NRG3: variants seen among roughly 807,000 people sequenced by gnomAD.
The protein encoded by NRG3 is neuregulin 3.
Under a neutral mutation model 66.9 loss-of-function variants are expected in NRG3, and 31 were observed. That is an observed-to-expected ratio of 0.46 (90% CI 0.35 to 0.63). The LOEUF (loss-of-function observed/expected upper bound fraction) is 0.63. Ranked by LOEUF, NRG3 falls within the 20% of genes least tolerant of loss-of-function variation. The pLI, the probability that NRG3 is intolerant of heterozygous loss-of-function variation, is 0.00. For synonymous variants in NRG3, 393 were observed against 359.4 expected (o/e 1.09, Z -1.06); for missense variants, 910 against 878.9 (o/e 1.04, Z -0.45).
At chr10:82,646,546 G>T (rs1021969012) in intron 2 of NRG3, among the ~76,000 whole-genome samples, 2 of 152,166 alleles carry the variant, frequency 1.3e-5, no homozygotes, top group Non-Finnish European at 2.9e-5. Context: ...TCCCATTACA[G>T]TAAATTACGA....
chr10:82,500,375 C>G (rs1844053898), intron 2 of NRG3, among the ~76,000 whole-genome samples: 1 of 152,154 alleles, frequency 6.6e-6, no homozygotes, highest in Non-Finnish European at 1.5e-5. Context: ...TCCTCAGTGT[C>G]CCCATTGCAT....
rs538625740 is a variant in NRG3, at chr10:82,187,613, G to A, written c.824-171126G>A. Among the ~76,000 whole-genome samples the A allele has an allele frequency of 2.6e-4, 40 of 151,984 alleles. 1 individual carries two copies. In the East Asian group the frequency reaches 4.2e-3, roughly 16 times the overall value. ...CCAGATACTGTGATTTTTTTTGCGG[G>A]GAAGAGGTTGAGAGAGGCTTCCTGG... On this transcript the variant is annotated intron_variant, in intron 1 of 8. Transcript: ENST00000372141.
At chr10:82,086,408 A>G (rs1038548213) in intron 1 of NRG3, among the ~76,000 whole-genome samples, 7 of 148,836 alleles carry the variant, frequency 4.7e-5, no homozygotes, top group African/African-American at 1.2e-4. Context: ...TTGCAGTTCA[A>G]TTTTTTTTTT....
At chr10:82,636,926 G>A (rs991738723) in intron 2 of NRG3, among the ~76,000 whole-genome samples, 1 of 151,836 alleles carries the variant, frequency 6.6e-6, no homozygotes, top group African/African-American at 2.4e-5. Flanking sequence ...TAGGAAATGG[G>A]GAGATGTAGG....
chr10:82,270,844 G>A (rs1312396838), intron 1 of NRG3, among the ~76,000 whole-genome samples: 1 of 152,082 alleles, frequency 6.6e-6, no homozygotes, highest in African/African-American at 2.4e-5. Flanking sequence ...ACGCCATGGA[G>A]TACATTTTAT....
intron 4 of NRG3, among the ~76,000 whole-genome samples, chr10:82,950,332 G>A (rs941954038): frequency 6.6e-6 from 1 of 152,182 alleles, no homozygotes; most frequent in Non-Finnish European, 1.5e-5. Flanking sequence ...GTCTGAGAGT[G>A]AGAGAGGGAA....
At chr10:82,344,110 T>C (rs1294777548) in intron 1 of NRG3, among the ~76,000 whole-genome samples, 2 of 151,390 alleles carry the variant, frequency 1.3e-5, no homozygotes, top group African/African-American at 2.4e-5. Flanking sequence ...ATGTGCACAT[T>C]GTGCAGGTTA....
chr10:82,626,782 G>A (rs2049454270), intron 2 of NRG3, among the ~76,000 whole-genome samples: 1 of 151,990 alleles, frequency 6.6e-6, no homozygotes. Flanking sequence ...ACAGTCAAGA[G>A]CAGAGGCCCG....
chr10:82,366,740 T>C (rs1294947273), intron 2 of NRG3, among the ~76,000 whole-genome samples: 1 of 152,136 alleles, frequency 6.6e-6, no homozygotes, highest in Non-Finnish European at 1.5e-5. Context: ...ACACTGAAAA[T>C]TATAGATTTT....
intron 1 of NRG3, among the ~76,000 whole-genome samples, chr10:82,118,689 G>A (rs1192540129): frequency 6.6e-6 from 1 of 151,948 alleles, no homozygotes; most frequent in African/African-American, 2.4e-5. Context: ...TTTTTGAGGG[G>A]GGATAATGTG....
intron 1 of NRG3, among the ~76,000 whole-genome samples, chr10:82,187,942 A>G (rs2073904447): frequency 7.5e-6 from 1 of 133,824 alleles, no homozygotes; most frequent in Admixed American, 8.1e-5. Context: ...TACCAATGAC[A>G]GTCTTCACAG....
At chr10:82,557,402 T>G (rs1051056157) in intron 2 of NRG3, among the ~76,000 whole-genome samples, 1 of 152,198 alleles carries the variant, frequency 6.6e-6, no homozygotes, top group Non-Finnish European at 1.5e-5. Context: ...ATTGAGCTTT[T>G]TTTTCATATG....
At chr10:81,893,974 T>G (rs1230717455) in intron 1 of NRG3, among the ~76,000 whole-genome samples, 1 of 152,188 alleles carries the variant, frequency 6.6e-6, no homozygotes, top group Non-Finnish European at 1.5e-5. Context: ...CCAGGTAACG[T>G]GTGAAGCTAT....
intron 1 of NRG3, among the ~76,000 whole-genome samples, chr10:82,313,369 TAAATA>T (rs992902278): frequency 1.1e-4 from 16 of 151,748 alleles, no homozygotes; most frequent in Admixed American, 1.3e-4. Context: ...AAAAAATAAA[TAAATA>T]AAATAAAAAT....
intron 2 of NRG3, among the ~76,000 whole-genome samples, chr10:82,481,987 A>G (rs1842311613): frequency 1.3e-5 from 2 of 152,210 alleles, no homozygotes; most frequent in South Asian, 4.1e-4. Flanking sequence ...ACTCCATCTC[A>G]AAAAGAAAAA....
chr10:82,854,925 A>G (rs1267455591), intron 3 of NRG3, among the ~76,000 whole-genome samples: 1 of 152,332 alleles, frequency 6.6e-6, no homozygotes, highest in East Asian at 1.9e-4. Flanking sequence ...TGGCTGCTCT[A>G]GATGAATATC....
chr10:82,578,877 G>T (rs550242425), intron 2 of NRG3, among the ~76,000 whole-genome samples: 1 of 151,972 alleles, frequency 6.6e-6, no homozygotes, highest in East Asian at 1.9e-4. Context: ...CTCTATCTTT[G>T]TTCAAATTAA....
chr10:82,128,034 A>G (rs1386620379), intron 1 of NRG3, among the ~76,000 whole-genome samples: 1 of 151,906 alleles, frequency 6.6e-6, no homozygotes, highest in African/African-American at 2.4e-5. Context: ...CATAAATAGA[A>G]ATCTCTTGGC....
chr10:82,151,478 C>T (rs191127656), intron 1 of NRG3, among the ~76,000 whole-genome samples: 3 of 152,086 alleles, frequency 2.0e-5, no homozygotes, highest in African/African-American at 7.2e-5. Flanking sequence ...TTCTGTGAAT[C>T]GGAACCTCTC....
Sources: allele counts gnomAD v4.1 joint callset (sites outside exome capture counted in the v4.1 genomes callset), GRCh38; gene constraint gnomAD v4.1.1; transcripts MANE v1.5; gene names NCBI Gene and HGNC (gene_info 2026-07-23, HGNC 2026-07-21).